THSD7A: variants seen among roughly 807,000 people sequenced by gnomAD.
THSD7A encodes thrombospondin type 1 domain containing 7A, also known as thrombospondin type-1 domain-containing protein 7A.
Under a neutral mutation model 231.3 loss-of-function variants are expected in THSD7A, and 96 were observed. That is an observed-to-expected ratio of 0.41 (90% CI 0.35 to 0.49). The LOEUF (loss-of-function observed/expected upper bound fraction) is 0.49. Among genes scored for constraint, THSD7A ranks in the 20% least tolerant of loss-of-function variants. THSD7A has a pLI of 0.05. For synonymous variants in THSD7A, 940 were observed against 743.3 expected (o/e 1.26, Z -4.30); for missense variants, 2,290 against 2,070.2 (o/e 1.11, Z -2.06).
chr7:11,825,871 G>T (rs983285509), intron 1 of THSD7A, among the ~76,000 whole-genome samples: 10 of 152,092 alleles, frequency 6.6e-5, no homozygotes, highest in African/African-American at 2.4e-4. Context: ...GTGACATTCT[G>T]AATAAAAGTA....
intron 15 of THSD7A, among the ~76,000 whole-genome samples, chr7:11,425,667 C>A (rs1462494596): frequency 6.6e-6 from 1 of 150,404 alleles, no homozygotes; most frequent in Non-Finnish European, 1.5e-5. Flanking sequence ...CTGACTCAAG[C>A]ATTAAATAAA....
At chr7:11,787,411 G>C (rs913892296) in intron 1 of THSD7A, among the ~76,000 whole-genome samples, 3 of 151,914 alleles carry the variant, frequency 2.0e-5, no homozygotes, top group Non-Finnish European at 4.4e-5. Flanking sequence ...TTGATAAACT[G>C]GATTTCATTA....
At chr7:11,688,247 T>C (rs1157490923) in intron 1 of THSD7A, among the ~76,000 whole-genome samples, 2 of 151,892 alleles carry the variant, frequency 1.3e-5, no homozygotes, top group Admixed American at 6.6e-5. Context: ...CATCATTTTT[T>C]ATGGCTGCAT....
intron 23 of THSD7A, among the ~76,000 whole-genome samples, chr7:11,397,727 G>A (rs576123512): frequency 6.6e-6 from 1 of 152,090 alleles, no homozygotes; most frequent in African/African-American, 2.4e-5. Flanking sequence ...ACAACCCCAT[G>A]AAAAAGTGGG....
At chr7:11,485,817 C>A (rs1786633619) in intron 6 of THSD7A, among the ~76,000 whole-genome samples, 1 of 152,200 alleles carries the variant, frequency 6.6e-6, no homozygotes, top group Non-Finnish European at 1.5e-5. Flanking sequence ...CCACACAGTG[C>A]TTCAAATACA....
At chr7:11,577,062 T>C (rs555003745) in intron 4 of THSD7A, among the ~76,000 whole-genome samples, 1 of 152,306 alleles carries the variant, frequency 6.6e-6, no homozygotes, top group East Asian at 1.9e-4. Context: ...ATTCTCTAAT[T>C]ATCAGGTTAG....
chr7:11,805,763 T>G (rs758615580), intron 1 of THSD7A, among the ~76,000 whole-genome samples: 1 of 152,094 alleles, frequency 6.6e-6, no homozygotes, highest in Non-Finnish European at 1.5e-5. Context: ...AACCACAACA[T>G]TTCTATTCAG....
At chr7:11,674,770 C>T (rs1783567769) in intron 1 of THSD7A, among the ~76,000 whole-genome samples, 2 of 152,110 alleles carry the variant, frequency 1.3e-5, no homozygotes, top group Admixed American at 1.3e-4. Context: ...GTTTAATCAC[C>T]TCCAAAGGAT....
At position 11,474,749 on chromosome 7, in the gene THSD7A, A is replaced by T. The variant is rs1786087377; in HGVS notation, c.2018-181T>A. Among the ~76,000 whole-genome samples the T allele has an allele frequency of 6.6e-6, 1 of 152,196 alleles. No individual in the cohort carries two copies. Among genetic ancestry groups the T allele is most frequent in the Admixed American group, 6.6e-5 (1 of 15,264 alleles). On this transcript the variant is annotated intron_variant, in intron 7 of 27. Transcript: ENST00000423059. This position sits in a 1 kb window ranked among gnomAD's most constrained non-coding sequence, Gnocchi z 4.1. Reference sequence around the variant, plus strand: ...CAAGGGATACCTACAGGGGTTAAAAATAGTTTCTGCTACACTCAAGGATCT... The same window carrying T: ...CAAGGGATACCTACAGGGGTTAAAATTAGTTTCTGCTACACTCAAGGATCT...
intron 16 of THSD7A, among the ~76,000 whole-genome samples, chr7:11,417,888 G>A (rs1784015067): frequency 6.6e-6 from 1 of 152,174 alleles, no homozygotes; most frequent in African/African-American, 2.4e-5. Context: ...TGTAAACTCT[G>A]CATGTTATGC....
chr7:11,704,158 C>A (rs1307836910), intron 1 of THSD7A, among the ~76,000 whole-genome samples: 1 of 150,948 alleles, frequency 6.6e-6, no homozygotes, highest in African/African-American at 2.4e-5. Flanking sequence ...CTACCTACAA[C>A]AAGTTATTTG....
chr7:11,587,505 T>C (rs1018178610), intron 4 of THSD7A, among the ~76,000 whole-genome samples: 10 of 152,188 alleles, frequency 6.6e-5, no homozygotes, highest in African/African-American at 2.4e-4. Flanking sequence ...ATGAGATATA[T>C]TTCTTCCTAC....
chr7:11,469,164 T>C (rs184063244), intron 9 of THSD7A, among the ~76,000 whole-genome samples: 13 of 152,238 alleles, frequency 8.5e-5, no homozygotes, highest in African/African-American at 2.9e-4. Flanking sequence ...TTGAGTAAGA[T>C]AAGAAATAGG....
In THSD7A at chr7:11,402,441, T is replaced by A. The variant is rs184151197; in HGVS notation, c.4238-473A>T. ...GCTGGTTTTATGTTTTCATTCCTAT[T>A]TCTTCCCAGATGAGTGGAGGTGAGA... On this transcript the variant is annotated intron_variant, in intron 22 of 27. Coordinates refer to ENST00000423059, the MANE Select transcript of THSD7A (RefSeq NM_015204.3). 9.8e-5 allele frequency among the ~76,000 whole-genome samples: 15 copies of A among 152,332 alleles called. No homozygotes were observed. The East Asian group carries it at 2.7e-3, about 27-fold the overall frequency.
intron 1 of THSD7A, among the ~76,000 whole-genome samples, chr7:11,684,814 A>C (rs1377924485): frequency 2.6e-5 from 4 of 152,086 alleles, no homozygotes; most frequent in African/African-American, 9.7e-5. Flanking sequence ...CAATCTACAG[A>C]TTCTAAGCAA....
At chr7:11,510,418 ATTTT>A (rs1435350878) in intron 6 of THSD7A, among the ~76,000 whole-genome samples, 1 of 152,210 alleles carries the variant, frequency 6.6e-6, no homozygotes, top group African/African-American at 2.4e-5. Flanking sequence ...TCCCTAACTC[ATTTT>A]ATGAGACCAG....
In THSD7A at chr7:11,769,122, A is replaced by ATATATATATATATATATATATATAT. The variant is rs1491347103; in HGVS notation, c.190+62634_190+62635insATATATATATATATATATATATATA. Reference sequence around the variant, plus strand: ...ACAGGCACCTGCCATAATTCCTGGCAATATATATATATATATATATATATA... The same window carrying ATATATATATATATATATATATATAT: ...ACAGGCACCTGCCATAATTCCTGGCATATATATATATATATATATATATATATATATATATATATATATATATATA... On this transcript the variant is annotated intron_variant, in intron 1 of 27. Coordinates refer to ENST00000423059, the MANE Select transcript of THSD7A (RefSeq NM_015204.3). Among the ~76,000 whole-genome samples the ATATATATATATATATATATATATAT allele has an allele frequency of 5.3e-4, 19 of 35,894 alleles. 4 individuals are homozygous for ATATATATATATATATATATATATAT. The highest frequency in any genetic ancestry group is 0.017 in the Middle Eastern group (1 of 58). 23.5% of individuals were successfully genotyped at this position (35,894 alleles called of 152,430 possible). A position where few individuals can be genotyped will look rare whatever the true frequency, so the allele number is the denominator to read the frequency against.
chr7:11,464,082 C>T (rs966376244), intron 9 of THSD7A, among the ~76,000 whole-genome samples: 8 of 152,116 alleles, frequency 5.3e-5, no homozygotes, highest in African/African-American at 1.9e-4. Context: ...CTACCCCCTT[C>T]CTATTCACTA....
intron 1 of THSD7A, among the ~76,000 whole-genome samples, chr7:11,794,972 T>A (rs1220765858): frequency 6.6e-6 from 1 of 152,032 alleles, no homozygotes; most frequent in African/African-American, 2.4e-5. Flanking sequence ...AATACTATCA[T>A]TGGCTTTTGG....
Sources: allele counts gnomAD v4.1 joint callset (sites outside exome capture counted in the v4.1 genomes callset), GRCh38; gene constraint gnomAD v4.1.1; non-coding constraint Gnocchi (gnomAD v3.1); transcripts MANE v1.5; gene names NCBI Gene and HGNC (gene_info 2026-07-23, HGNC 2026-07-21).